Variants in SEMA6B observed in about 807,000 individuals in gnomAD.
SEMA6B encodes semaphorin-6B.
SEMA6B carries 47 observed loss-of-function variants against 78.6 expected under a neutral mutation model. The ratio of observed to expected loss-of-function variants is 0.60; its 90% CI spans 0.47 to 0.76. The LOEUF is 0.76. Ranked by LOEUF, SEMA6B falls within the 30% of genes least tolerant of loss-of-function variation. SEMA6B has a pLI of 0.00. For missense variants in SEMA6B, 1,213 were observed against 1,269.9 expected, an observed-to-expected ratio of 0.96 and a Z score of 0.68; for synonymous variants, 632 against 592.2, an observed-to-expected ratio of 1.07 and a Z score of -0.98.
At position 4,558,049 on chromosome 19, in the gene SEMA6B, G is replaced by T; in HGVS notation, c.222C>A (p.Asn74Lys). 6.6e-7 allele frequency: 1 copy of T among 1,506,146 alleles called. No homozygotes were observed. 93.3% of individuals were successfully genotyped at this position (1,506,146 alleles called of 1,614,324 possible). The change falls in exon 3 of 17, where the codon AAC (asparagine) becomes AAA (lysine). Residue 74 changes from asparagine (N) to lysine (K), a missense_variant. Asn to Lys is a moderately conservative substitution (Grantham distance 94). Coordinates refer to ENST00000586582, the MANE Select transcript of SEMA6B (RefSeq NM_032108.4). This position sits in a 1 kb window ranked among gnomAD's most constrained non-coding sequence, Gnocchi z 5.1. ...ACCTGTCCCCAATGAACAGCGTCCT[G>T]TTGACCCGCAGGACTCGCTGGATGT... The part of the protein sequence containing the change: ...DLNIQRVLRV[N>K]RTLFIGDRDN...
Position 4,552,814 on chromosome 19 carries a change from G to A in SEMA6B, c.772-175C>T, listed in dbSNP as rs957547596. Among the ~76,000 whole-genome samples, 11 of 152,172 alleles carry A rather than the reference G, an allele frequency of 7.2e-5. 1 individual carries two copies. The highest frequency in any genetic ancestry group is 3.9e-4 in the Admixed American group (6 of 15,276). On this transcript the variant is annotated intron_variant, in intron 9 of 16. Coordinates refer to ENST00000586582, the MANE Select transcript of SEMA6B (RefSeq NM_032108.4). The surrounding 1 kb of genome is among the most constrained non-coding windows in gnomAD (Gnocchi z 7.4). ...ACCGGCTTCCCTGGCAGAAATTCCC[G>A]GTGGGAATGTCAATGATGATAATAG... is the stretch of plus-strand genomic sequence containing the variant.
At position 4,558,304 on chromosome 19, in the gene SEMA6B, T is replaced by G. The variant is rs779913255; in HGVS notation, c.121+33A>C. ...GGGAACCCAGATACTCCCACGGGAC[T>G]CCACCCCCGCCCAAAGACACCCCCA... On this transcript the variant is annotated intron_variant, in intron 2 of 16. Coordinates refer to ENST00000586582, the MANE Select transcript of SEMA6B (RefSeq NM_032108.4). This position sits in a 1 kb window ranked among gnomAD's most constrained non-coding sequence, Gnocchi z 5.1. 2 of 1,314,092 alleles carry G rather than the reference T, an allele frequency of 1.5e-6. No homozygotes were observed. Among genetic ancestry groups the G allele is most frequent in the Non-Finnish European group, 2.0e-6 (2 of 1,021,958 alleles). The allele number at this position is 1,314,092 out of a possible 1,614,324, so 81.4% of individuals were successfully genotyped here. A position where few individuals can be genotyped will look rare whatever the true frequency, so the allele number is the denominator to read the frequency against.
intron 16 of SEMA6B, among the ~76,000 whole-genome samples, chr19:4,545,423 A>G (rs188846958): frequency 7.7e-4 from 114 of 148,500 alleles, no homozygotes; most frequent in African/African-American, 2.7e-3. Flanking sequence ...TGCAGCCTCC[A>G]CCTCCCTGGG....
chr19:4,549,985 C>T, intron 12 of SEMA6B, 138 bp downstream of exon 12: 3 of 762,570 alleles, frequency 3.9e-6, no homozygotes, highest in South Asian at 3.7e-5. Flanking sequence ...ATCTTTCCCT[C>T]TCTGTCTCTC....
chr19:4,559,265 ATGCCAAGGGCCTCT>A (rs1977556253), intron 1 of SEMA6B, among the ~76,000 whole-genome samples: 1 of 151,294 alleles, frequency 6.6e-6, no homozygotes, highest in South Asian at 2.1e-4. Context: ...AATATTCCCC[ATGCCAAGGGCCTCT>A]GTGACCCTGG....
In SEMA6B at chr19:4,543,908, A is replaced by T; in HGVS notation, c.2360T>A (p.Phe787Tyr). 8.3e-7 allele frequency: 1 copy of T among 1,201,862 alleles called. No individual in the cohort carries two copies. The highest frequency in any genetic ancestry group is 4.2e-5 in the South Asian group (1 of 24,080). 74.4% of individuals were successfully genotyped at this position (1,201,862 alleles called of 1,614,324 possible). A position where few individuals can be genotyped will look rare whatever the true frequency, so the allele number is the denominator to read the frequency against. Reference sequence around the variant, plus strand: ...CGGGCTGGCGTGGGGGGTGAGCGGGAAGTCGCCGTGGGAGGCGCGGCCGGG... The same window carrying T: ...CGGGCTGGCGTGGGGGGTGAGCGGGTAGTCGCCGTGGGAGGCGCGGCCGGG... ...ARPGRASHGD[F>Y]PLTPHASPDR... Residue 787 changes from phenylalanine (F) to tyrosine (Y), a missense_variant, in exon 17 of 17, where the codon TTC becomes TAC. Coordinates refer to ENST00000586582, the MANE Select transcript of SEMA6B (RefSeq NM_032108.4).
At position 4,544,705 on chromosome 19, in the gene SEMA6B, G is replaced by T. The variant is rs1299622036; in HGVS notation, c.1739-176C>A. On this transcript the variant is annotated intron_variant, in intron 16 of 16. Coordinates refer to ENST00000586582, the MANE Select transcript of SEMA6B (RefSeq NM_032108.4). The surrounding 1 kb of genome is among the most constrained non-coding windows in gnomAD (Gnocchi z 5.1). ...GGCTGGAGTGCAGTGGGGCGATCTC[G>T]ATTCACTGCAACCTCCGCCTCCCAT... Among the ~76,000 whole-genome samples, 3 of 151,766 alleles carry T rather than the reference G, an allele frequency of 2.0e-5. No individual in the cohort carries two copies. Among genetic ancestry groups the T allele is most frequent in the African/African-American group, 4.8e-5 (2 of 41,264 alleles).
In SEMA6B at chr19:4,555,510, A is replaced by G; in HGVS notation, c.526T>C (p.Tyr176His). ...GCAACATTGGCGTGCTTGGGGTCGT[A>G]CGGGCAGCGGGCCATACCGCTGATG... Reference protein sequence around the residue: ...DNISGMARCPYDPKHANVALF... With the variant: ...DNISGMARCPHDPKHANVALF... Residue 176 changes from tyrosine to histidine, a missense_variant, in exon 7 of 17, where the codon TAC becomes CAC. By Grantham distance (83) the Tyr-to-His change is moderately conservative (BLOSUM62 2). Transcript: ENST00000586582. The surrounding 1 kb of genome is among the most constrained non-coding windows in gnomAD (Gnocchi z 6.1). 6.2e-7 allele frequency: 1 copy of G among 1,613,446 alleles called. No individual in the cohort carries two copies. The highest frequency in any genetic ancestry group is 8.5e-7 in the Non-Finnish European group (1 of 1,179,798).
At position 4,552,113 on chromosome 19, in the gene SEMA6B, T is replaced by C. The variant is rs1040898023; in HGVS notation, c.989+309A>G. Among the ~76,000 whole-genome samples the C allele has an allele frequency of 1.3e-5, 2 of 152,112 alleles. No homozygotes were observed. Among genetic ancestry groups the C allele is most frequent in the African/African-American group, 4.8e-5 (2 of 41,422 alleles). On this transcript the variant is annotated intron_variant, in intron 10 of 16. Transcript: ENST00000586582. The surrounding 1 kb of genome is among the most constrained non-coding windows in gnomAD (Gnocchi z 7.4). The stretch of plus-strand genomic sequence containing the variant: ...CTTTGCACATGCTGTTTCTCCAACT[T>C]TGAACACCCTTCCCTCTTCCTCCAT...
intron 8 of SEMA6B, among the ~76,000 whole-genome samples, 167 bp downstream of exon 8, chr19:4,554,809 C>T (rs1042406334): frequency 2.0e-5 from 3 of 152,194 alleles, no homozygotes; most frequent in African/African-American, 7.2e-5. Flanking sequence ...TCCAACTAAA[C>T]TTGTTCCTCT....
intron 12 of SEMA6B, among the ~76,000 whole-genome samples, chr19:4,549,571 C>T (rs1040581686): frequency 2.0e-5 from 3 of 152,316 alleles, no homozygotes; most frequent in East Asian, 1.9e-4. Flanking sequence ...CTCCGCCTCC[C>T]GGGTTCATGC....
chr19:4,554,332 C>T lies in SEMA6B; in HGVS notation c.771+56G>A. The T allele has an allele frequency of 2.2e-6, 3 of 1,383,178 alleles. No homozygotes were observed. In the South Asian group the frequency reaches 3.5e-5, roughly 16 times the overall value. The allele number at this position is 1,383,178 out of a possible 1,614,324, so 85.7% of individuals were successfully genotyped here. A position where few individuals can be genotyped will look rare whatever the true frequency, so the allele number is the denominator to read the frequency against. On this transcript the variant is annotated intron_variant, in intron 9 of 16. Transcript: ENST00000586582. ...GGGATTCATGGATCCACCTCTGCCC[C>T]CTCACTTCGCATGATCAGAGCCTCT...
rs1312445465 is a variant in SEMA6B at position 4,543,616 on chromosome 19, C to T, written c.2652G>A (p.Ala884=). 2.4e-6 allele frequency: 3 copies of T among 1,233,908 alleles called. No homozygotes were observed. Among genetic ancestry groups the T allele is most frequent in the African/African-American group, 1.5e-5 (1 of 64,662 alleles). The allele number at this position is 1,233,908 out of a possible 1,614,324, so 76.4% of individuals were successfully genotyped here. ...GGCCCCCGGCCTAGGGCACGGGGGG[C>T]GCAGTCCTGTCCGCCCCCCCATAGG... The part of the protein sequence containing the change: ...LLPYGGADRT[A]PPVP Residue 884 remains alanine (A), a synonymous_variant, in exon 17 of 17, where the codon GCG becomes GCA. Coordinates refer to ENST00000586582, the MANE Select transcript of SEMA6B (RefSeq NM_032108.4).
In SEMA6B at chr19:4,544,466, G is replaced by A; in HGVS notation, c.1802C>T (p.Thr601Met). The change falls in exon 17 of 17, where the codon ACG becomes ATG. Residue 601 changes from threonine (T) to methionine (M), a missense_variant. By Grantham distance (81) the Thr-to-Met change is moderately conservative. Transcript: ENST00000586582. This position sits in a 1 kb window ranked among gnomAD's most constrained non-coding sequence, Gnocchi z 5.1. ...AGLVSVNLLV[T>M]SSVAAFVVGA... ...CACCACGAAGGCCGCCACCGACGAC[G>A]TTACCAGCAGGTTCACCGACACCAG... 1 of 1,598,388 alleles carries A rather than the reference G, an allele frequency of 6.3e-7. No homozygotes were observed. Among genetic ancestry groups the A allele is most frequent in the Non-Finnish European group, 8.5e-7 (1 of 1,173,368 alleles).
chr19:4,549,864 C>T (rs534701526), intron 12 of SEMA6B, among the ~76,000 whole-genome samples: 12 of 152,110 alleles, frequency 7.9e-5, no homozygotes, highest in Non-Finnish European at 1.2e-4. Flanking sequence ...CTGGCAGCCT[C>T]GGCCTCCCAA....
chr19:4,548,838 A>G (rs549004277), intron 12 of SEMA6B, among the ~76,000 whole-genome samples: 2 of 151,670 alleles, frequency 1.3e-5, no homozygotes, highest in East Asian at 1.9e-4. Flanking sequence ...TGGCAAGTTT[A>G]TGTTTTGTTT....
Position 4,550,564 on chromosome 19 carries a change from A to C in SEMA6B, c.1121+235T>G, listed in dbSNP as rs952804187. Among the ~76,000 whole-genome samples the C allele has an allele frequency of 2.0e-5, 3 of 152,070 alleles. No homozygotes were observed. Among genetic ancestry groups the C allele is most frequent in the African/African-American group, 7.2e-5 (3 of 41,404 alleles). On this transcript the variant is annotated intron_variant, in intron 11 of 16. Transcript: ENST00000586582. The surrounding 1 kb of genome is among the most constrained non-coding windows in gnomAD (Gnocchi z 6.6). ...TTTTTAGTAGAGACAGGGTTTCGCC[A>C]TGTTGGTCGGGCTGGTCTCAAACCC...
At chr19:4,557,091 A>C (rs1977493462) in intron 4 of SEMA6B, 72 bp downstream of exon 4, 1 of 1,586,350 alleles carries the variant, frequency 6.3e-7, no homozygotes, top group African/African-American at 1.3e-5. Context: ...GGCCGAATCC[A>C]CCCAGCTCCC....
rs1977447839 is a variant in SEMA6B at position 4,555,610 on chromosome 19, T to G, written c.472-46A>C. 6.7e-7 allele frequency: 1 copy of G among 1,502,044 alleles called. No homozygotes were observed. The highest frequency in any genetic ancestry group is 1.8e-5 in the Admixed American group (1 of 56,594). The allele number at this position is 1,502,044 out of a possible 1,614,324, so 93.0% of individuals were successfully genotyped here. The stretch of plus-strand genomic sequence containing the variant: ...GAGTGACAGATCTCCTGACCCCACC[T>G]AGCAGCCCCTGGCTCCCTCAGCCCC... On this transcript the variant is annotated intron_variant, in intron 6 of 16. Coordinates refer to ENST00000586582, the MANE Select transcript of SEMA6B (RefSeq NM_032108.4). The surrounding 1 kb of genome is among the most constrained non-coding windows in gnomAD (Gnocchi z 6.1).
Sources: gnomAD v4.1 joint callset for allele counts (sites outside exome capture counted in the v4.1 genomes callset) on GRCh38, gnomAD v4.1.1 for gene constraint, Gnocchi (gnomAD v3.1) non-coding constraint, MANE v1.5 for transcripts, NCBI Gene and HGNC (gene_info 2026-07-23, HGNC 2026-07-21) for gene names.